Variants in RALY observed in about 807,000 individuals in gnomAD.
The protein encoded by RALY is RALY heterogeneous nuclear ribonucleoprotein.
RALY carries 15 observed loss-of-function variants against 30.7 expected under a neutral mutation model. The observed-to-expected ratio is 0.49, with a 90% CI of 0.33 to 0.75. The LOEUF (loss-of-function observed/expected upper bound fraction) is 0.75. Among genes scored for constraint, RALY ranks in the 30% least tolerant of loss-of-function variants. The pLI is 0.02. For missense variants in RALY, 339 were observed against 414.3 expected (o/e 0.82, Z 1.58); for synonymous variants, 177 against 170.8 (o/e 1.04, Z -0.28).
chr20:34,003,861 G>A (rs1480020653), intron 1 of RALY, among the ~76,000 whole-genome samples: 2 of 151,878 alleles, frequency 1.3e-5, no homozygotes, highest in Non-Finnish European at 1.5e-5. Context: ...GGATGGTCTC[G>A]ATCTCCTGAC....
intron 2 of RALY, among the ~76,000 whole-genome samples, chr20:34,042,783 GT>G (rs1286596262): frequency 6.6e-6 from 1 of 152,172 alleles, no homozygotes; most frequent in Non-Finnish European, 1.5e-5. Flanking sequence ...TACCTTCTTA[GT>G]TTTTTACACA....
chr20:34,005,164 C>A (rs574165791), intron 1 of RALY, among the ~76,000 whole-genome samples: 1 of 152,212 alleles, frequency 6.6e-6, no homozygotes, highest in South Asian at 2.1e-4. Context: ...TAGGGACATT[C>A]ACTAGAGAAT....
At chr20:33,994,553 C>G (rs1352164135) in intron 1 of RALY, among the ~76,000 whole-genome samples, 1 of 152,256 alleles carries the variant, frequency 6.6e-6, no homozygotes, top group African/African-American at 2.4e-5. Context: ...CTGCTTCCGG[C>G]TCTCCTAACC....
At chr20:34,035,583 C>T (rs1276194972) in intron 2 of RALY, among the ~76,000 whole-genome samples, 1 of 152,158 alleles carries the variant, frequency 6.6e-6, no homozygotes, top group African/African-American at 2.4e-5. Context: ...TGGTCCTCCT[C>T]AGCCTCTTGA....
At chr20:34,002,446 C>G (rs969363161) in intron 1 of RALY, among the ~76,000 whole-genome samples, 3 of 152,190 alleles carry the variant, frequency 2.0e-5, no homozygotes, top group Non-Finnish European at 4.4e-5. Context: ...TAATTCCTGT[C>G]CACAAATTAC....
At chr20:33,994,585 C>G (rs1271042646) in intron 1 of RALY, among the ~76,000 whole-genome samples, 1 of 152,250 alleles carries the variant, frequency 6.6e-6, no homozygotes, top group African/African-American at 2.4e-5. Flanking sequence ...TACGGGCTCC[C>G]GGAGGCGCGC....
chr20:34,025,899 GTT>G (rs35827160), intron 1 of RALY, among the ~76,000 whole-genome samples: 262 of 75,908 alleles, frequency 3.5e-3, no homozygotes, highest in African/African-American at 0.011. Context: ...ATTCCTGGTT[GTT>G]TTTTTTTTTT....
intron 1 of RALY, among the ~76,000 whole-genome samples, chr20:34,020,524 T>G (rs1384040590): frequency 6.6e-6 from 1 of 152,188 alleles, no homozygotes; most frequent in African/African-American, 2.4e-5. Flanking sequence ...CCACTGAGGT[T>G]ACAGGACTGT....
At chr20:34,040,903 C>T (rs1051699447) in intron 2 of RALY, among the ~76,000 whole-genome samples, 5 of 152,118 alleles carry the variant, frequency 3.3e-5, no homozygotes, top group Non-Finnish European at 7.4e-5. Flanking sequence ...CCTCTGGCCA[C>T]GGCCCTTCCA....
At chr20:34,072,619 G>GTGGC (rs2033759367) in intron 3 of RALY, among the ~76,000 whole-genome samples, 1 of 152,194 alleles carries the variant, frequency 6.6e-6, no homozygotes, top group Non-Finnish European at 1.5e-5. Context: ...AGAGAACAGA[G>GTGGC]TGGCCTAGAA....
intron 2 of RALY, among the ~76,000 whole-genome samples, chr20:34,063,715 A>C (rs1321152777): frequency 3.3e-5 from 5 of 152,188 alleles, no homozygotes; most frequent in Admixed American, 2.0e-4. Context: ...TATGTACAGG[A>C]GGAAGAGGAG....
intron 1 of RALY, among the ~76,000 whole-genome samples, chr20:34,013,045 T>C (rs2031469805): frequency 6.6e-6 from 1 of 152,222 alleles, no homozygotes; most frequent in Admixed American, 6.5e-5. Flanking sequence ...TTCAATAAAT[T>C]ATGTGAGATA....
intron 1 of RALY, among the ~76,000 whole-genome samples, chr20:34,011,816 A>C (rs2031409070): frequency 6.6e-6 from 1 of 152,190 alleles, no homozygotes; most frequent in Admixed American, 6.5e-5. Context: ...CTGTAATCCC[A>C]GCACTTTGGG....
chr20:34,048,204 T>C (rs1047375840), intron 2 of RALY, among the ~76,000 whole-genome samples: 1 of 152,214 alleles, frequency 6.6e-6, no homozygotes, highest in African/African-American at 2.4e-5. Context: ...GTTAAAATGC[T>C]CTGCTGCTCA....
chr20:34,052,937 T>A (rs2033125498), intron 2 of RALY, among the ~76,000 whole-genome samples: 1 of 152,224 alleles, frequency 6.6e-6, no homozygotes, highest in Non-Finnish European at 1.5e-5. Flanking sequence ...TCTGCTGGAT[T>A]TCTATCCAGA....
chr20:34,004,406 TGTGCTTCCCTTCCCCCCTTTTCCA>T (rs1182778945), intron 1 of RALY, among the ~76,000 whole-genome samples: 1 of 152,240 alleles, frequency 6.6e-6, no homozygotes, highest in Non-Finnish European at 1.5e-5. Context: ...TCTCAACCGA[TGTGCTTCCCTTCCCCCCTTTTCCA>T]GAAAGAATGG....
At chr20:34,048,113 C>T (rs905446590) in intron 2 of RALY, among the ~76,000 whole-genome samples, 2 of 152,162 alleles carry the variant, frequency 1.3e-5, no homozygotes, top group Non-Finnish European at 2.9e-5. Flanking sequence ...CTCTCTGTTC[C>T]CAATAAATTG....
intron 1 of RALY, among the ~76,000 whole-genome samples, chr20:34,018,047 A>AG (rs1215259888): frequency 6.6e-6 from 1 of 152,240 alleles, no homozygotes; most frequent in Non-Finnish European, 1.5e-5. Context: ...TAAGCCAGGA[A>AG]GGGCACTCCA....
chr20:34,079,568 T>C (rs528352904), intron 9 of RALY, among the ~76,000 whole-genome samples: 3 of 152,336 alleles, frequency 2.0e-5, no homozygotes, highest in Admixed American at 2.0e-4. Context: ...ATTGTACATA[T>C]GCAGTCTTCT....
Sources: gnomAD v4.1 joint callset for allele counts (sites outside exome capture counted in the v4.1 genomes callset) on GRCh38, gnomAD v4.1.1 for gene constraint, MANE v1.5 for transcripts, NCBI Gene and HGNC (gene_info 2026-07-23, HGNC 2026-07-21) for gene names.